SEMA5B: variants seen among roughly 807,000 people sequenced by gnomAD.
SEMA5B encodes the protein semaphorin 5B.
SEMA5B carries 66 observed loss-of-function variants against 135.0 expected under a neutral mutation model. The observed-to-expected ratio is 0.49, with a 90% CI of 0.40 to 0.60. The LOEUF is 0.60. SEMA5B is among the 20% of genes least tolerant of loss of function. The pLI is 0.00. For missense variants in SEMA5B, 1,501 were observed against 1,566.3 expected (o/e 0.96, Z 0.70); for synonymous variants, 690 against 639.5 (o/e 1.08, Z -1.19).
In SEMA5B at chr3:122,913,404, G is replaced by C. The variant is rs749329915; in HGVS notation, c.2301C>G (p.Pro767=). The part of the protein sequence containing the change: ...GCGVEFKTCN[P]EGCPEVRRNT... Reference sequence around the variant, plus strand: ...TGCGCCGCACTTCGGGGCAGCCCTCGGGGTTGCACGTCTTGAACTCCTGCG... The same window carrying C: ...TGCGCCGCACTTCGGGGCAGCCCTCCGGGTTGCACGTCTTGAACTCCTGCG... The change falls in exon 17 of 23, where the codon CCC becomes CCG. Residue 767 remains proline (P), a synonymous_variant. Transcript: ENST00000357599. 1 of 1,573,822 alleles carries C rather than the reference G, an allele frequency of 6.4e-7. No homozygotes were observed. Among genetic ancestry groups the C allele is most frequent in the Non-Finnish European group, 8.6e-7 (1 of 1,164,250 alleles).
At chr3:122,978,832 A>T (rs1941424819) in intron 1 of SEMA5B, among the ~76,000 whole-genome samples, 1 of 152,168 alleles carries the variant, frequency 6.6e-6, no homozygotes, top group Non-Finnish European at 1.5e-5. Context: ...AGAGGAGGCT[A>T]GTGCTGCCAC....
rs1229236073 is a variant in SEMA5B at position 122,910,215 on chromosome 3, G to A, written c.3384C>T (p.Tyr1128=). Reference sequence around the variant, plus strand: ...AGCTGTGTTTGTTCAGGGGGCTTGGGTAGTAAGTAGTCGTGTACACATTGG... The same window carrying A: ...AGCTGTGTTTGTTCAGGGGGCTTGGATAGTAAGTAGTCGTGTACACATTGG... The part of the protein sequence containing the change: ...QQTNVYTTTY[Y]PSPLNKHSFR... The change falls in exon 23 of 23, where the codon TAC becomes TAT. Residue 1128 remains tyrosine (Y), a synonymous_variant. Transcript: ENST00000357599. The A allele has an allele frequency of 2.5e-6, 4 of 1,614,256 alleles. No homozygotes were observed. The highest frequency in any genetic ancestry group is 2.5e-6 in the Non-Finnish European group (3 of 1,180,036).
At chr3:122,961,103 C>A in intron 2 of SEMA5B, 37 bp downstream of exon 2, 1 of 1,568,470 alleles carries the variant, frequency 6.4e-7, no homozygotes, top group Non-Finnish European at 8.7e-7. Context: ...AGTCTGGTAC[C>A]TGCTGCAGCC....
At chr3:122,984,219 T>C (rs1376070829) in intron 1 of SEMA5B, among the ~76,000 whole-genome samples, 2 of 152,208 alleles carry the variant, frequency 1.3e-5, no homozygotes, top group South Asian at 2.1e-4. Flanking sequence ...CCCTCAGGGA[T>C]TGGAAGCTGG....
chr3:123,007,098 G>A (rs994187255), intron 1 of SEMA5B, among the ~76,000 whole-genome samples: 7 of 152,234 alleles, frequency 4.6e-5, no homozygotes, highest in African/African-American at 1.7e-4. Flanking sequence ...TGAGCATGGG[G>A]CAAATTTGCA....
In SEMA5B at chr3:122,922,418, G is replaced by C. The variant is rs368290057; in HGVS notation, c.1302C>G (p.Asn434Lys). 24 of 1,608,562 alleles carry C rather than the reference G, an allele frequency of 1.5e-5. No individual in the cohort carries two copies. Among genetic ancestry groups the C allele is most frequent in the South Asian group, 4.4e-5 (4 of 90,040 alleles). Residue 434 changes from asparagine (N) to lysine (K), a missense_variant, in exon 11 of 23, where the codon AAC becomes AAG. Around this residue, in one of 2 missense-constraint regions of SEMA5B, gnomAD observed 574 missense variants for 684.7 expected, o/e 0.84. Coordinates refer to ENST00000357599, the MANE Select transcript of SEMA5B (RefSeq NM_001031702.4). ...GCAGGCTGCGCTCCGTCAGGTTCTC[G>C]TTGGGACCGGTCTCAGGCAGGGTGC... Reference protein sequence around the residue: ...QCGTLPETGPNENLTERSLQD... With the variant: ...QCGTLPETGPKENLTERSLQD...
chr3:122,997,533 C>T (rs1233421578), intron 1 of SEMA5B, among the ~76,000 whole-genome samples: 1 of 152,122 alleles, frequency 6.6e-6, no homozygotes, highest in Non-Finnish European at 1.5e-5. Flanking sequence ...CCCCCGTCTC[C>T]ACCAGGGCAT....
In SEMA5B at chr3:122,926,381, G is replaced by A. The variant is rs757816513; in HGVS notation, c.1136+11C>T. The A allele has an allele frequency of 3.1e-6, 5 of 1,604,616 alleles. No homozygotes were observed. Among genetic ancestry groups the A allele is most frequent in the Non-Finnish European group, 4.3e-6 (5 of 1,173,526 alleles). ...ATCACAGGCAAGGGGCTGGCAGAGG[G>A]CAGGACTCACACGTTGGTTGTGAAA... is the stretch of plus-strand genomic sequence containing the variant. On this transcript the variant is annotated intron_variant, in intron 9 of 22. Transcript: ENST00000357599.
chr3:122,933,699 T>C (rs974563294), intron 5 of SEMA5B, among the ~76,000 whole-genome samples: 1 of 152,322 alleles, frequency 6.6e-6, no homozygotes, highest in South Asian at 2.1e-4. Context: ...CCTTTGTGCA[T>C]TGATCCTCTA....
intron 3 of SEMA5B, 122 bp downstream of exon 3, chr3:122,948,384 A>G (rs1939884614): frequency 5.1e-6 from 4 of 778,880 alleles, no homozygotes; most frequent in African/African-American, 1.8e-5. Context: ...CCGGGACGGG[A>G]CCCAGCAGTT....
intron 1 of SEMA5B, among the ~76,000 whole-genome samples, chr3:123,023,334 A>C (rs1199874924): frequency 6.6e-6 from 1 of 151,884 alleles, no homozygotes; most frequent in Non-Finnish European, 1.5e-5. Context: ...ACACACACAC[A>C]CACACACACA....
intron 1 of SEMA5B, among the ~76,000 whole-genome samples, chr3:122,975,700 C>T (rs1303665074): frequency 6.6e-6 from 1 of 152,142 alleles, no homozygotes; most frequent in African/African-American, 2.4e-5. Context: ...TCTCTCTCTC[C>T]AGACGCTCAC....
At chr3:122,991,322 G>C (rs2107718785) in intron 1 of SEMA5B, among the ~76,000 whole-genome samples, 1 of 152,240 alleles carries the variant, frequency 6.6e-6, no homozygotes, top group Middle Eastern at 3.4e-3. Flanking sequence ...CGAGTCTCAG[G>C]GGACCAAAGG....
rs562233357 is a variant in SEMA5B at position 122,969,880 on chromosome 3, G to C, written c.-38-8579C>G. ...TTTTTGGACTTACAGTTGAATGTGG[G>C]TGTGTGTTATGTGCTGGGAATTCAC... On this transcript the variant is annotated intron_variant, in intron 1 of 22. Transcript: ENST00000357599. Among the ~76,000 whole-genome samples, 3 of 152,278 alleles carry C rather than the reference G, an allele frequency of 2.0e-5. No homozygotes were observed. The South Asian group carries it at 6.2e-4, about 32-fold the overall frequency.
intron 1 of SEMA5B, among the ~76,000 whole-genome samples, chr3:123,012,978 G>A (rs1248111893): frequency 6.6e-6 from 1 of 152,202 alleles, no homozygotes; most frequent in Non-Finnish European, 1.5e-5. Flanking sequence ...GTTGCCTCCC[G>A]CCTCCAACCC....
intron 14 of SEMA5B, among the ~76,000 whole-genome samples, chr3:122,914,908 C>T (rs1937983924): frequency 7.0e-6 from 1 of 143,474 alleles, no homozygotes; most frequent in Admixed American, 6.7e-5. Flanking sequence ...GAGACGCTGT[C>T]TCAAAAAAAG....
chr3:122,963,262 C>T (rs1006788808), intron 1 of SEMA5B, among the ~76,000 whole-genome samples: 8 of 152,050 alleles, frequency 5.3e-5, no homozygotes, highest in Admixed American at 1.3e-4. Context: ...TTTGGGAGGC[C>T]GAGGTGGGCA....
At chr3:123,012,816 C>T (rs1351042906) in intron 1 of SEMA5B, among the ~76,000 whole-genome samples, 1 of 152,216 alleles carries the variant, frequency 6.6e-6, no homozygotes, top group Non-Finnish European at 1.5e-5. Context: ...AGCCAGGCCA[C>T]ACCAGAATTG....
chr3:122,953,129 C>T (rs1225944462), intron 2 of SEMA5B, among the ~76,000 whole-genome samples: 1 of 152,194 alleles, frequency 6.6e-6, no homozygotes. Flanking sequence ...CAAATAACAG[C>T]TTTTTAGCCC....
Sources: allele counts gnomAD v4.1 joint callset (sites outside exome capture counted in the v4.1 genomes callset), GRCh38; gene constraint gnomAD v4.1.1; regional missense constraint gnomAD v4.1.1; transcripts MANE v1.5; gene names NCBI Gene and HGNC (gene_info 2026-07-23, HGNC 2026-07-21).